Variants in VWC2L observed in about 807,000 individuals in gnomAD.
The protein encoded by VWC2L is von Willebrand factor C domain-containing protein 2-like.
A neutral mutation model predicts 21.6 loss-of-function variants in VWC2L; 10 were observed. That is an observed-to-expected ratio of 0.46 (90% CI 0.29 to 0.78). VWC2L has a LOEUF of 0.78. VWC2L is among the 30% of genes least tolerant of loss of function. The probability of loss-of-function intolerance (pLI) is 0.10; values close to 1 mark genes in which losing one functional copy is unlikely to be tolerated. For synonymous variants in VWC2L, 96 were observed against 94.3 expected (o/e 1.02, Z -0.10); for missense variants, 209 against 277.1 (o/e 0.75, Z 1.74).
intron 3 of VWC2L, among the ~76,000 whole-genome samples, chr2:214,545,280 C>A (rs1270418871): frequency 6.6e-6 from 1 of 152,114 alleles, no homozygotes; most frequent in East Asian, 1.9e-4. Flanking sequence ...TCCGCGTGCA[C>A]CCTCCATTTA....
chr2:214,488,446 AG>A (rs941204984), intron 3 of VWC2L, among the ~76,000 whole-genome samples: 17 of 152,250 alleles, frequency 1.1e-4, no homozygotes, highest in African/African-American at 3.4e-4. Context: ...AAAAAATACA[AG>A]AATTAGCCAG....
intron 3 of VWC2L, among the ~76,000 whole-genome samples, chr2:214,542,397 T>C (rs1470931096): frequency 1.3e-5 from 2 of 152,166 alleles, no homozygotes; most frequent in Non-Finnish European, 2.9e-5. Context: ...GCAGCATCAG[T>C]GAGCAATCAT....
chr2:214,481,514 C>G (rs1432438276), intron 3 of VWC2L, among the ~76,000 whole-genome samples: 1 of 152,050 alleles, frequency 6.6e-6, no homozygotes, highest in African/African-American at 2.4e-5. Context: ...CAAAAAAGAC[C>G]AAAAGAATAA....
chr2:214,490,542 G>A (rs752120194), intron 3 of VWC2L, among the ~76,000 whole-genome samples: 2 of 152,040 alleles, frequency 1.3e-5, no homozygotes, highest in Non-Finnish European at 2.9e-5. Flanking sequence ...AGAAGGAGAA[G>A]GACTGATCAG....
chr2:214,469,928 T>G (rs1703279367), intron 3 of VWC2L, among the ~76,000 whole-genome samples: 1 of 152,230 alleles, frequency 6.6e-6, no homozygotes, highest in African/African-American at 2.4e-5. Context: ...ATTTTCCCTA[T>G]GTATCAGCAT....
At chr2:214,454,814 G>A (rs1028170174) in intron 3 of VWC2L, among the ~76,000 whole-genome samples, 5 of 151,768 alleles carry the variant, frequency 3.3e-5, no homozygotes, top group Admixed American at 6.6e-5. Context: ...GTGTTAGCCA[G>A]GATGGTCTTG....
chr2:214,507,009 A>T (rs1228886367), intron 3 of VWC2L, among the ~76,000 whole-genome samples: 1 of 152,098 alleles, frequency 6.6e-6, no homozygotes, highest in African/African-American at 2.4e-5. Context: ...AAAATGAGCT[A>T]TTTAATTATT....
intron 3 of VWC2L, among the ~76,000 whole-genome samples, chr2:214,477,876 C>T (rs965599104): frequency 3.3e-5 from 5 of 152,148 alleles, no homozygotes; most frequent in South Asian, 2.1e-4. Context: ...TTTGTTCTGA[C>T]GGTTTCTGTA....
intron 3 of VWC2L, among the ~76,000 whole-genome samples, chr2:214,531,238 T>C (rs1224711040): frequency 6.6e-6 from 1 of 152,138 alleles, no homozygotes; most frequent in Admixed American, 6.5e-5. Context: ...ACACAGCAAA[T>C]ATCTGTAGGA....
intron 3 of VWC2L, among the ~76,000 whole-genome samples, chr2:214,550,775 C>T (rs1689781464): frequency 1.3e-5 from 2 of 152,182 alleles, no homozygotes; most frequent in African/African-American, 2.4e-5. Flanking sequence ...TGATCCTGCT[C>T]ATTTTGTTCA....
intron 2 of VWC2L, among the ~76,000 whole-genome samples, chr2:214,431,680 T>G (rs1702603130): frequency 6.6e-6 from 1 of 152,234 alleles, no homozygotes; most frequent in Non-Finnish European, 1.5e-5. Context: ...GAAATGGACA[T>G]GTTTAAAATC....
At chr2:214,484,505 T>A (rs1688649517) in intron 3 of VWC2L, among the ~76,000 whole-genome samples, 1 of 152,112 alleles carries the variant, frequency 6.6e-6, no homozygotes, top group Non-Finnish European at 1.5e-5. Flanking sequence ...CAATTTCCCC[T>A]ATGAACAATG....
chr2:214,447,880 T>C (rs541573165), intron 3 of VWC2L, among the ~76,000 whole-genome samples: 1 of 151,926 alleles, frequency 6.6e-6, no homozygotes, highest in African/African-American at 2.4e-5. Context: ...ACCCCTCCTT[T>C]CCCAGCAGTC....
intron 3 of VWC2L, among the ~76,000 whole-genome samples, chr2:214,500,925 A>G (rs1559309889): frequency 6.6e-6 from 1 of 152,242 alleles, no homozygotes; most frequent in African/African-American, 2.4e-5. Context: ...TGATGAAACT[A>G]TGAGACATTT....
chr2:214,521,977 G>T (rs547525863), intron 3 of VWC2L, among the ~76,000 whole-genome samples: 2 of 152,192 alleles, frequency 1.3e-5, no homozygotes, highest in South Asian at 2.1e-4. Flanking sequence ...TAGCAGGCAG[G>T]AAGCAGTGAT....
In VWC2L at chr2:214,577,887, G is replaced by A. The variant is rs1690258327; in HGVS notation, c.*2067G>A. 1 of 152,172 alleles carries A rather than the reference G, an allele frequency of 6.6e-6. No individual in the cohort carries two copies. The highest frequency in any genetic ancestry group is 1.5e-5 in the Non-Finnish European group (1 of 68,036). The allele number at this position is 152,172 out of a possible 1,614,324, so 9.4% of individuals were successfully genotyped here. A position where few individuals can be genotyped will look rare whatever the true frequency, so the allele number is the denominator to read the frequency against. ...CATGCCGGCACCATCCCGAGGAAGA[G>A]CATCAAGCCACCTTCCCTTAGAACA... is the stretch of plus-strand genomic sequence containing the variant. On this transcript the variant is annotated 3_prime_UTR_variant, in exon 4 of 4. Transcript: ENST00000312504.
At chr2:214,510,677 A>T (rs1559312941) in intron 3 of VWC2L, among the ~76,000 whole-genome samples, 1 of 152,330 alleles carries the variant, frequency 6.6e-6, no homozygotes, top group East Asian at 1.9e-4. Flanking sequence ...TGACTCCTCC[A>T]GTCAGCCAGA....
chr2:214,535,940 C>T (rs1321065981), intron 3 of VWC2L, among the ~76,000 whole-genome samples: 1 of 152,052 alleles, frequency 6.6e-6, no homozygotes, highest in Non-Finnish European at 1.5e-5. Flanking sequence ...TTCAGGCTTT[C>T]TATCCAAACC....
intron 3 of VWC2L, among the ~76,000 whole-genome samples, chr2:214,445,521 T>G (rs78320663): frequency 0.051 from 7,724 of 151,770 alleles, 597 homozygotes; most frequent in African/African-American, 0.17. Flanking sequence ...TATGTATGTA[T>G]GTACATATAT....
Sources: allele counts gnomAD v4.1 joint callset (sites outside exome capture counted in the v4.1 genomes callset), GRCh38; gene constraint gnomAD v4.1.1; transcripts MANE v1.5; gene names NCBI Gene and HGNC (gene_info 2026-07-23, HGNC 2026-07-21).